The following FSTL4 variants were observed in gnomAD, a reference collection of about 807,000 sequenced individuals.
FSTL4 encodes the protein follistatin-related protein 4.
FSTL4 carries 28 observed loss-of-function variants against 78.2 expected under a neutral mutation model. The observed-to-expected ratio is 0.36, with a 90% CI of 0.27 to 0.49. The LOEUF (loss-of-function observed/expected upper bound fraction) is 0.49, where lower values mean the gene tolerates loss of function less well. Among genes scored for constraint, FSTL4 ranks in the 20% least tolerant of loss-of-function variants. FSTL4 has a pLI of 0.98. For synonymous variants in FSTL4, 422 were observed against 440.5 expected (o/e 0.96, Z 0.53); for missense variants, 922 against 1,084.9 (o/e 0.85, Z 2.11).
chr5:133,699,073 G>T, the FSTL4 span, among the ~76,000 whole-genome samples: 4 of 152,256 alleles, frequency 2.6e-5, no homozygotes, highest in Non-Finnish European at 5.9e-5. Flanking sequence ...GGAGGTCAGG[G>T]CCCACTACAA....
At chr5:133,591,107 G>A (rs1025332014) in intron 2 of FSTL4, among the ~76,000 whole-genome samples, 2 of 152,334 alleles carry the variant, frequency 1.3e-5, no homozygotes, top group East Asian at 3.9e-4. Flanking sequence ...GGATGGAGGG[G>A]AGGACCAGGG....
At chr5:133,307,572 A>C (rs930709866) in intron 6 of FSTL4, among the ~76,000 whole-genome samples, 1 of 152,108 alleles carries the variant, frequency 6.6e-6, no homozygotes, top group African/African-American at 2.4e-5. Flanking sequence ...TGGAGTACTA[A>C]GAGCCTATTA....
chr5:133,507,649 A>T (rs891203465), intron 3 of FSTL4, among the ~76,000 whole-genome samples: 8 of 151,486 alleles, frequency 5.3e-5, no homozygotes, highest in Admixed American at 2.0e-4. Flanking sequence ...CAGCCTCCCA[A>T]GTAGCTGGGA....
rs186225210 is a variant in FSTL4 at position 133,393,442 on chromosome 5, G to T, written c.409+7296C>A. ...GGGCATTCAACAGATGTCTGTGAAG[G>T]TGAGTGGCTTGGCAGAAAACAGCCA... On this transcript the variant is annotated intron_variant, in intron 4 of 15. Coordinates refer to ENST00000265342, the MANE Select transcript of FSTL4 (RefSeq NM_015082.2). Among the ~76,000 whole-genome samples, 3 of 152,338 alleles carry T rather than the reference G, an allele frequency of 2.0e-5. No homozygotes were observed. The East Asian group carries it at 5.8e-4, about 29-fold the overall frequency.
the FSTL4 span, among the ~76,000 whole-genome samples, chr5:133,834,932 AT>A: frequency 6.6e-6 from 1 of 152,054 alleles, no homozygotes; most frequent in Non-Finnish European, 1.5e-5. Context: ...TTATGAGTGA[AT>A]TTTTTCCTTC....
intron 8 of FSTL4, among the ~76,000 whole-genome samples, chr5:133,226,743 A>G (rs1751347391): frequency 6.6e-6 from 1 of 152,220 alleles, no homozygotes; most frequent in African/African-American, 2.4e-5. Flanking sequence ...GGACAGCTAC[A>G]TTTTCCTAGA....
At chr5:133,211,166 C>A (rs116331712) in intron 13 of FSTL4, among the ~76,000 whole-genome samples, 1 of 152,238 alleles carries the variant, frequency 6.6e-6, no homozygotes. Context: ...AACTGCAGTA[C>A]TGCTATCCCC....
chr5:133,240,265 G>A (rs1402260732), intron 7 of FSTL4, among the ~76,000 whole-genome samples: 1 of 152,224 alleles, frequency 6.6e-6, no homozygotes, highest in African/African-American at 2.4e-5. Flanking sequence ...CATTCTTGAA[G>A]TCAGTGAGAC....
At position 133,400,768 on chromosome 5, in the gene FSTL4, C is replaced by G; in HGVS notation, c.379G>C (p.Val127Leu). 6.2e-7 allele frequency: 1 copy of G among 1,614,062 alleles called. No homozygotes were observed. Among genetic ancestry groups the G allele is most frequent in the Non-Finnish European group, 8.5e-7 (1 of 1,179,988 alleles). ...AACLLGKRIT[V>L]IHSKDCFLKG... ...AGGAAACAGTCCTTGCTGTGGATGA[C>G]GGTGATCCTCTTTCCCAGGAGGCAA... Residue 127 changes from valine (V) to leucine (L), a missense_variant, in exon 4 of 16, where the codon GTC (valine) becomes CTC (leucine). By Grantham distance (32) the Val-to-Leu change is conservative. Transcript: ENST00000265342.
upstream of FSTL4, among the ~76,000 whole-genome samples, chr5:133,614,970 A>G (rs894770528): frequency 6.6e-6 from 1 of 151,962 alleles, no homozygotes; most frequent in Non-Finnish European, 1.5e-5. Context: ...TCTTTTTTCT[A>G]TTTCTAATCC....
At chr5:133,384,839 G>A (rs1163231506) in intron 4 of FSTL4, among the ~76,000 whole-genome samples, 1 of 152,216 alleles carries the variant, frequency 6.6e-6, no homozygotes, top group Non-Finnish European at 1.5e-5. Context: ...TTCCAGGCTT[G>A]CCCTTGCTGC....
chr5:133,451,535 T>C (rs1757384393), intron 3 of FSTL4, among the ~76,000 whole-genome samples: 1 of 152,150 alleles, frequency 6.6e-6, no homozygotes, highest in African/African-American at 2.4e-5. Flanking sequence ...CACTCTAGCC[T>C]GGGCAACAAG....
intron 13 of FSTL4, among the ~76,000 whole-genome samples, chr5:133,213,568 T>C (rs530881335): frequency 2.5e-4 from 38 of 152,278 alleles, no homozygotes; most frequent in Middle Eastern, 3.4e-3. Flanking sequence ...AAGTAACAAT[T>C]TGTATGAGAC....
At chr5:133,313,958 A>G (rs1366883984) in intron 5 of FSTL4, among the ~76,000 whole-genome samples, 1 of 152,152 alleles carries the variant, frequency 6.6e-6, no homozygotes, top group Non-Finnish European at 1.5e-5. Flanking sequence ...CTTTAACTAT[A>G]TTAAATTTTA....
intron 4 of FSTL4, among the ~76,000 whole-genome samples, chr5:133,352,237 C>CAT (rs566897277): frequency 3.5e-5 from 5 of 143,332 alleles, no homozygotes; most frequent in East Asian, 4.3e-4. Context: ...TTCTCACACA[C>CAT]ATATATATAT....
the FSTL4 span, among the ~76,000 whole-genome samples, chr5:133,698,989 T>G: frequency 6.6e-6 from 1 of 152,162 alleles, no homozygotes; most frequent in African/African-American, 2.4e-5. Flanking sequence ...GCTTATAGGA[T>G]GACAGTGACA....
chr5:133,254,921 C>G (rs1752347392), intron 6 of FSTL4, among the ~76,000 whole-genome samples: 1 of 152,172 alleles, frequency 6.6e-6, no homozygotes, highest in Admixed American at 6.5e-5. Context: ...GGCTGTGGAC[C>G]AGTTAAGCCC....
intron 2 of FSTL4, among the ~76,000 whole-genome samples, chr5:133,573,285 A>C (rs1281130468): frequency 6.6e-6 from 1 of 152,056 alleles, no homozygotes; most frequent in Non-Finnish European, 1.5e-5. Flanking sequence ...AAATAAATAA[A>C]AAATAAAACA....
chr5:133,694,406 T>C, the FSTL4 span, among the ~76,000 whole-genome samples: 1 of 152,248 alleles, frequency 6.6e-6, no homozygotes, highest in Admixed American at 6.5e-5. Flanking sequence ...CTCCTCTCAA[T>C]CAACAACATT....
Sources: allele counts gnomAD v4.1 joint callset (sites outside exome capture counted in the v4.1 genomes callset), GRCh38; gene constraint gnomAD v4.1.1; transcripts MANE v1.5; gene names NCBI Gene and HGNC (gene_info 2026-07-23, HGNC 2026-07-21).